ZNF503: variants seen among roughly 807,000 people sequenced by gnomAD.
The protein encoded by ZNF503 is zinc finger protein 503, also known as NocA-like zinc finger 2.
A neutral mutation model predicts 34.4 loss-of-function variants in ZNF503; 15 were observed. The ratio of observed to expected loss-of-function variants is 0.44; its 90% CI spans 0.29 to 0.67. ZNF503 has a LOEUF of 0.67. ZNF503 is among the 30% of genes least tolerant of loss of function. The pLI is 0.13. For missense variants in ZNF503, 1,007 were observed against 926.8 expected (o/e 1.09, Z -1.12); for synonymous variants, 580 against 456.8 (o/e 1.27, Z -3.44).
At chr10:75,370,267 C>T in the ZNF503 span, among the ~76,000 whole-genome samples, 1 of 152,032 alleles carries the variant, frequency 6.6e-6, no homozygotes, top group African/African-American at 2.4e-5. Flanking sequence ...GAAGCCTAAC[C>T]AAGACTTGTG....
the ZNF503 span, among the ~76,000 whole-genome samples, chr10:75,302,719 T>G: frequency 6.6e-6 from 1 of 152,184 alleles, no homozygotes; most frequent in Non-Finnish European, 1.5e-5. Context: ...GAAACAGAAC[T>G]GCAACCTCAG....
the ZNF503 span, among the ~76,000 whole-genome samples, chr10:75,349,932 GCCAA>G: frequency 6.6e-6 from 1 of 152,190 alleles, no homozygotes; most frequent in South Asian, 2.1e-4. Context: ...GGGCCCTGCT[GCCAA>G]CCCACTGAAT....
At chr10:75,375,680 C>A in the ZNF503 span, among the ~76,000 whole-genome samples, 8 of 152,152 alleles carry the variant, frequency 5.3e-5, no homozygotes, top group African/African-American at 1.9e-4. Flanking sequence ...CCACACCCGG[C>A]TAATTTTTGT....
the ZNF503 span, among the ~76,000 whole-genome samples, chr10:75,323,532 G>T: frequency 6.6e-6 from 1 of 152,184 alleles, no homozygotes; most frequent in African/African-American, 2.4e-5. Flanking sequence ...TCCACACTTT[G>T]GTAGTACTTG....
At chr10:75,280,793 A>G in the ZNF503 span, among the ~76,000 whole-genome samples, 11 of 152,136 alleles carry the variant, frequency 7.2e-5, no homozygotes, top group Non-Finnish European at 1.5e-4. Flanking sequence ...GGAGGACCCA[A>G]CTTAAGGTTG....
the ZNF503 span, among the ~76,000 whole-genome samples, chr10:75,368,376 A>G: frequency 6.6e-6 from 1 of 152,254 alleles, no homozygotes; most frequent in African/African-American, 2.4e-5. Flanking sequence ...GGGTTCAAAA[A>G]TAAAAAATCA....
the ZNF503 span, among the ~76,000 whole-genome samples, chr10:75,370,778 CAAAAAAAAAAAAAAAAAAAA>C: frequency 1.8e-3 from 120 of 67,970 alleles, 1 homozygote; most frequent in South Asian, 7.9e-3. Flanking sequence ...GGCTCCATCT[CAAAAAAAAAAAAAAAAAAAA>C]AAAAAAAAAA....
the ZNF503 span, among the ~76,000 whole-genome samples, chr10:75,367,077 C>G: frequency 3.3e-5 from 5 of 152,348 alleles, no homozygotes; most frequent in Middle Eastern, 3.4e-3. Flanking sequence ...TGCAAACACA[C>G]TTGCCCACCA....
chr10:75,348,507 ATTTTT>A, the ZNF503 span, among the ~76,000 whole-genome samples: 9,006 of 99,264 alleles, frequency 0.091, 362 homozygotes, highest in Non-Finnish European at 0.12. Context: ...CCCTATTACT[ATTTTT>A]TTTTTTTTTT....
At chr10:75,281,768 AC>A in the ZNF503 span, among the ~76,000 whole-genome samples, 1 of 152,158 alleles carries the variant, frequency 6.6e-6, no homozygotes, top group East Asian at 1.9e-4. Flanking sequence ...TCATGGGGTC[AC>A]CCCTGTCCAC....
the ZNF503 span, among the ~76,000 whole-genome samples, chr10:75,316,547 G>C: frequency 2.6e-5 from 4 of 151,958 alleles, no homozygotes; most frequent in Non-Finnish European, 5.9e-5. Flanking sequence ...TTTTTGTAGA[G>C]ACAAGGTCTC....
chr10:75,391,430 C>T, the ZNF503 span, among the ~76,000 whole-genome samples: 2 of 152,220 alleles, frequency 1.3e-5, no homozygotes, highest in Non-Finnish European at 2.9e-5. Context: ...GTTGGCAGAA[C>T]TGAAGACAGA....
chr10:75,393,305 T>G (rs1647304070), downstream of ZNF503, among the ~76,000 whole-genome samples: 1 of 152,162 alleles, frequency 6.6e-6, no homozygotes, highest in South Asian at 2.1e-4. Context: ...GTAATATGCT[T>G]TAGTTCACAG....
the ZNF503 span, among the ~76,000 whole-genome samples, chr10:75,390,712 G>C: frequency 6.6e-6 from 1 of 152,278 alleles, no homozygotes; most frequent in South Asian, 2.1e-4. Context: ...GACACCACTC[G>C]TGGGGTGCGG....
chr10:75,321,247 T>C, the ZNF503 span, among the ~76,000 whole-genome samples: 1 of 152,196 alleles, frequency 6.6e-6, no homozygotes, highest in South Asian at 2.1e-4. Context: ...AATTATGCTT[T>C]CTGTACAGCC....
At chr10:75,379,627 A>G in the ZNF503 span, among the ~76,000 whole-genome samples, 2 of 152,240 alleles carry the variant, frequency 1.3e-5, no homozygotes, top group South Asian at 2.1e-4. Context: ...AGAATACATT[A>G]GGCGGATCTT....
At chr10:75,379,134 A>G in the ZNF503 span, among the ~76,000 whole-genome samples, 1 of 152,324 alleles carries the variant, frequency 6.6e-6, no homozygotes, top group East Asian at 1.9e-4. Flanking sequence ...AGGGTATTTA[A>G]TGGTGCCTCA....
chr10:75,320,456 G>A, the ZNF503 span, among the ~76,000 whole-genome samples: 5 of 152,012 alleles, frequency 3.3e-5, no homozygotes, highest in South Asian at 2.1e-4. Context: ...ACTCCAGCAC[G>A]GGCAACAGAG....
the ZNF503 span, among the ~76,000 whole-genome samples, chr10:75,305,778 G>A: frequency 6.6e-6 from 1 of 152,076 alleles, no homozygotes; most frequent in Non-Finnish European, 1.5e-5. Context: ...ATCATTTTGT[G>A]ACTTTTTGTG....
Sources: gnomAD v4.1 joint callset for allele counts (sites outside exome capture counted in the v4.1 genomes callset) on GRCh38, gnomAD v4.1.1 for gene constraint, MANE v1.5 for transcripts, NCBI Gene and HGNC (gene_info 2026-07-23, HGNC 2026-07-21) for gene names.